Variants in LIMCH1 observed in about 807,000 individuals in gnomAD.
The protein encoded by LIMCH1 is LIM and calponin homology domains 1, also known as LIM and calponin homology domains-containing protein 1.
Under a neutral mutation model 176.5 loss-of-function variants are expected in LIMCH1, and 113 were observed. The observed-to-expected ratio is 0.64, with a 90% CI of 0.55 to 0.75. The LOEUF (loss-of-function observed/expected upper bound fraction) is 0.75. LIMCH1 is among the 30% of genes least tolerant of loss of function. LIMCH1 has a pLI of 0.00. For synonymous variants in LIMCH1, 619 were observed against 645.9 expected (o/e 0.96, Z 0.63); for missense variants, 1,674 against 1,814.9 (o/e 0.92, Z 1.41).
chr4:41,697,128 C>T, intron 31 of LIMCH1, 32 bp from the exon 32 acceptor site: 1 of 1,612,572 alleles, frequency 6.2e-7, no homozygotes. Context: ...TTGCCTACCA[C>T]TCTTGTTTGT....
chr4:41,511,645 G>C (rs2074940411), intron 2 of LIMCH1, among the ~76,000 whole-genome samples: 1 of 152,218 alleles, frequency 6.6e-6, no homozygotes, highest in Non-Finnish European at 1.5e-5. Flanking sequence ...TGGCAGGCAT[G>C]TAGTAAGCTT....
chr4:41,397,838 A>G (rs184837176), intron 1 of LIMCH1, among the ~76,000 whole-genome samples: 76 of 152,204 alleles, frequency 5.0e-4, no homozygotes, highest in South Asian at 4.1e-4. Flanking sequence ...ATATATTTAT[A>G]TTTCTCTAGA....
At chr4:41,532,409 C>T (rs886372732) in intron 3 of LIMCH1, among the ~76,000 whole-genome samples, 1 of 152,154 alleles carries the variant, frequency 6.6e-6, no homozygotes, top group Non-Finnish European at 1.5e-5. Flanking sequence ...CCAAACACTT[C>T]AGAAACGTAT....
chr4:41,423,376 G>A (rs1312265402), intron 1 of LIMCH1, among the ~76,000 whole-genome samples: 1 of 151,908 alleles, frequency 6.6e-6, no homozygotes, highest in Non-Finnish European at 1.5e-5. Flanking sequence ...ACATGATCAA[G>A]AGGCTGTTAA....
intron 1 of LIMCH1, among the ~76,000 whole-genome samples, chr4:41,567,951 G>A (rs1160858156): frequency 6.6e-6 from 1 of 152,114 alleles, no homozygotes; most frequent in African/African-American, 2.4e-5. Flanking sequence ...TCAGGAGTTC[G>A]AGACCAGCTT....
chr4:41,489,352 C>T (rs1337269584), intron 1 of LIMCH1, among the ~76,000 whole-genome samples: 1 of 152,034 alleles, frequency 6.6e-6, no homozygotes, highest in East Asian at 1.9e-4. Context: ...CCTTTCTTCA[C>T]TTAATTTGGC....
At chr4:41,577,214 G>C (rs2084640529) in intron 1 of LIMCH1, among the ~76,000 whole-genome samples, 1 of 151,996 alleles carries the variant, frequency 6.6e-6, no homozygotes, top group Admixed American at 6.6e-5. Context: ...TTTAGGGCTT[G>C]GAATCTTGGT....
At chr4:41,692,832 T>A (rs1259576800) in intron 31 of LIMCH1, 1 of 157,176 alleles carries the variant, frequency 6.4e-6, no homozygotes, top group Non-Finnish European at 1.4e-5. Flanking sequence ...TTTCATTACG[T>A]CATATGTGTT....
intron 6 of LIMCH1, chr4:41,620,178 T>G: frequency 2.2e-6 from 1 of 452,786 alleles, no homozygotes; most frequent in Non-Finnish European, 3.9e-6. Context: ...GAAATTTACC[T>G]TTCCAGCAGA....
intron 3 of LIMCH1, among the ~76,000 whole-genome samples, chr4:41,531,041 A>T (rs980619143): frequency 2.0e-5 from 3 of 151,940 alleles, no homozygotes; most frequent in African/African-American, 7.3e-5. Flanking sequence ...TTTCCAACTA[A>T]TAAGAGGCAG....
At position 41,606,020 on chromosome 4, in the gene LIMCH1, T is replaced by G; in HGVS notation, c.9+16T>G. 1.9e-6 allele frequency: 3 copies of G among 1,554,276 alleles called. No individual in the cohort carries two copies. Among genetic ancestry groups the G allele is most frequent in the Non-Finnish European group, 2.7e-6 (3 of 1,126,138 alleles). On this transcript the variant is annotated intron_variant, in intron 4 of 31. Transcript: ENST00000503057. ...GATGCGAAAGGTAACTTGGCTTTTC[T>G]TCTTTATCCCATAAGCGTTAGACAA... is the stretch of plus-strand genomic sequence containing the variant.
chr4:41,502,506 A>C lies in LIMCH1; in HGVS notation c.167+7900A>C, dbSNP rs541791060. On this transcript the variant is annotated intron_variant, in intron 2 of 26. Coordinates refer to the LIMCH1 transcript ENST00000313860. ...GCCACACTATCTACCACAGTAGTTG[A>C]ACTAATCTACGTTCCCACCAACAGT... Among the ~76,000 whole-genome samples, 4 of 152,316 alleles carry C rather than the reference A, an allele frequency of 2.6e-5. No individual in the cohort carries two copies. The South Asian group carries it at 8.3e-4, about 32-fold the overall frequency.
chr4:41,403,507 G>A (rs2058673895), intron 1 of LIMCH1, among the ~76,000 whole-genome samples: 1 of 152,190 alleles, frequency 6.6e-6, no homozygotes, highest in Non-Finnish European at 1.5e-5. Flanking sequence ...CTTGAACCCA[G>A]GAGGTGGAGG....
At chr4:41,648,735 G>A (rs188105056) in intron 17 of LIMCH1, among the ~76,000 whole-genome samples, 10 of 147,410 alleles carry the variant, frequency 6.8e-5, no homozygotes, top group South Asian at 2.2e-4. Flanking sequence ...TACAGGCCCC[G>A]TTGTTTTTCC....
At chr4:41,462,386 G>T (rs62411127) in intron 1 of LIMCH1, among the ~76,000 whole-genome samples, 12,427 of 152,190 alleles carry the variant, frequency 0.082, 584 homozygotes, top group Non-Finnish European at 0.099. Context: ...CATTGGTAAT[G>T]TAACTTCTTA....
chr4:41,583,128 T>G (rs931863863), intron 1 of LIMCH1, among the ~76,000 whole-genome samples: 2 of 152,218 alleles, frequency 1.3e-5, no homozygotes, highest in African/African-American at 4.8e-5. Flanking sequence ...AACATCTTTC[T>G]CTACATCTGT....
intron 1 of LIMCH1, among the ~76,000 whole-genome samples, chr4:41,468,003 A>G (rs2066401867): frequency 6.6e-6 from 1 of 151,912 alleles, no homozygotes; most frequent in Non-Finnish European, 1.5e-5. Context: ...CACTTTTTTC[A>G]TTTGCTTTTC....
At chr4:41,399,173 G>A (rs925419664) in intron 1 of LIMCH1, among the ~76,000 whole-genome samples, 3 of 152,170 alleles carry the variant, frequency 2.0e-5, no homozygotes, top group Admixed American at 1.3e-4. Context: ...TGATTTTCAT[G>A]TGAGGCCTAG....
chr4:41,670,567 A>G, intron 21 of LIMCH1: 1 of 528,806 alleles, frequency 1.9e-6, no homozygotes, highest in East Asian at 3.1e-5. Flanking sequence ...TATGTGTGTT[A>G]TTAAGACATT....
Sources: allele counts gnomAD v4.1 joint callset (sites outside exome capture counted in the v4.1 genomes callset), GRCh38; gene constraint gnomAD v4.1.1; transcripts MANE v1.5; gene names NCBI Gene and HGNC (gene_info 2026-07-23, HGNC 2026-07-21).